STRIP2: variants seen among roughly 807,000 people sequenced by gnomAD.
The protein encoded by STRIP2 is striatin-interacting protein 2.
A neutral mutation model predicts 107.1 loss-of-function variants in STRIP2; 84 were observed. The observed-to-expected ratio is 0.78, with a 90% CI of 0.66 to 0.94. STRIP2 has a LOEUF of 0.94. STRIP2 is among the 40% of genes least tolerant of loss of function. The pLI, the probability that STRIP2 is intolerant of heterozygous loss-of-function variation, is 0.00. For missense variants in STRIP2, 888 were observed against 1,034.2 expected, an observed-to-expected ratio of 0.86 and a Z score of 1.94; for synonymous variants, 394 against 400.4, an observed-to-expected ratio of 0.98 and a Z score of 0.19.
In STRIP2 at chr7:129,483,127, T is replaced by C; in HGVS notation, c.2254+81T>C. The C allele has an allele frequency of 6.6e-7, 1 of 1,513,746 alleles. No individual in the cohort carries two copies. The highest frequency in any genetic ancestry group is 1.3e-5 in the South Asian group (1 of 76,872). The allele number at this position is 1,513,746 out of a possible 1,614,324, so 93.8% of individuals were successfully genotyped here. A position where few individuals can be genotyped will look rare whatever the true frequency, so the allele number is the denominator to read the frequency against. On this transcript the variant is annotated intron_variant, in intron 20 of 20. Transcript: ENST00000249344. This position sits in a 1 kb window ranked among gnomAD's most constrained non-coding sequence, Gnocchi z 5.1. Reference sequence around the variant, plus strand: ...TAAATAAATATTTATCACTCCTCTTTTGGCATGAATTGTTACATATTTTAG... The same window carrying C: ...TAAATAAATATTTATCACTCCTCTTCTGGCATGAATTGTTACATATTTTAG...
At chr7:129,477,142 C>A (rs1227369596) in intron 18 of STRIP2, among the ~76,000 whole-genome samples, 1 of 136,892 alleles carries the variant, frequency 7.3e-6, no homozygotes, top group Admixed American at 7.8e-5. Flanking sequence ...CCAGCTTCCG[C>A]TCGGCATCAG....
intron 16 of STRIP2, among the ~76,000 whole-genome samples, chr7:129,467,031 TC>T (rs762012566): frequency 2.0e-5 from 3 of 152,180 alleles, no homozygotes; most frequent in African/African-American, 4.8e-5. Context: ...GGAAAACGAC[TC>T]CCTCGGGGAG....
At chr7:129,455,221 C>T in intron 7 of STRIP2, 23 bp from the exon 8 acceptor site, 1 of 1,591,832 alleles carries the variant, frequency 6.3e-7, no homozygotes. Flanking sequence ...CACTTTCTCA[C>T]TCCCCTCTCT....
At position 129,458,314 on chromosome 7, in the gene STRIP2, G is replaced by A; in HGVS notation, c.1138G>A (p.Asp380Asn). The stretch of plus-strand genomic sequence containing the variant: ...AGAGGAGGAAGAGGAGTCTGCTGGT[G>A]ATGGAGAACGAACCTTGGATGGAGA... The part of the protein sequence containing the change: ...ATEEEEESAG[D>N]GERTLDGELD... Residue 380 changes from aspartate to asparagine, a missense_variant, in exon 10 of 21, where the codon GAT becomes AAT. Transcript: ENST00000249344. This position sits in a 1 kb window ranked among gnomAD's most constrained non-coding sequence, Gnocchi z 4.6. The A allele has an allele frequency of 6.2e-7, 1 of 1,614,214 alleles. No individual in the cohort carries two copies. Among genetic ancestry groups the A allele is most frequent in the Non-Finnish European group, 8.5e-7 (1 of 1,180,046 alleles).
intron 17 of STRIP2, 147 bp from the exon 18 acceptor site, chr7:129,470,502 A>G: frequency 3.2e-6 from 2 of 623,240 alleles, no homozygotes; most frequent in East Asian, 2.8e-5. Flanking sequence ...GCCTGGCACC[A>G]GAGCCCTCAT....
chr7:129,467,866 T>C (rs1363783623), intron 17 of STRIP2, among the ~76,000 whole-genome samples: 1 of 152,214 alleles, frequency 6.6e-6, no homozygotes, highest in South Asian at 2.1e-4. Flanking sequence ...TAACTGAAGT[T>C]ACATAATCGA....
At chr7:129,459,447 G>C (rs959066394) in intron 11 of STRIP2, 70 bp from the exon 12 acceptor site, 18 of 1,311,190 alleles carry the variant, frequency 1.4e-5, no homozygotes, top group South Asian at 2.4e-5. Flanking sequence ...TTGACTCTAG[G>C]GGGGTATTGG....
In STRIP2 at chr7:129,454,502, C is replaced by A; in HGVS notation, c.681C>A (p.Ala227=). Residue 227 remains alanine (A), a synonymous_variant, in exon 7 of 21, where the codon GCC becomes GCA. Transcript: ENST00000249344. ...CAGACCCCTGTGGGTGGAGAACAGC[C>A]CGGGAGACCTTCCGCACTGAATTAA... The part of the protein sequence containing the change: ...RETDPCGWRT[A]RETFRTELSF... 6.2e-7 allele frequency: 1 copy of A among 1,613,740 alleles called. No homozygotes were observed. The highest frequency in any genetic ancestry group is 8.5e-7 in the Non-Finnish European group (1 of 1,179,664).
chr7:129,436,118 C>A (rs1291455941), intron 1 of STRIP2, among the ~76,000 whole-genome samples: 1 of 152,112 alleles, frequency 6.6e-6, no homozygotes, highest in Non-Finnish European at 1.5e-5. Context: ...AGACATTGTT[C>A]TCGTTCAAAT....
At position 129,480,712 on chromosome 7, in the gene STRIP2, A is replaced by G. The variant is rs751867561; in HGVS notation, c.1945-73A>G. The stretch of plus-strand genomic sequence containing the variant: ...GAAGGCCTCACCTAAACTGACCAAC[A>G]TTGACTTCCAGGCTTCTGTGGGAAT... On this transcript the variant is annotated intron_variant, in intron 18 of 20. Transcript: ENST00000249344. 2.8e-4 allele frequency: 374 copies of G among 1,320,092 alleles called. 1 individual carries two copies. Among genetic ancestry groups the G allele is most frequent in the Non-Finnish European group, 3.1e-4 (290 of 939,392 alleles). 81.8% of individuals were successfully genotyped at this position (1,320,092 alleles called of 1,614,324 possible).
rs562108439 is a variant in STRIP2, at chr7:129,481,629, C to T, written c.2049+740C>T. On this transcript the variant is annotated intron_variant, in intron 19 of 20. Transcript: ENST00000249344. ...TTATGCAATCATTAAAAAGAATGAG[C>T]AGCCGGGCTCAGTGGTGCATGCCTG... Among the ~76,000 whole-genome samples, 6 of 150,688 alleles carry T rather than the reference C, an allele frequency of 4.0e-5. No individual in the cohort carries two copies. In the South Asian group the frequency reaches 1.3e-3, roughly 32 times the overall value.
At chr7:129,467,321 A>C in intron 16 of STRIP2, 29 bp from the exon 17 acceptor site, 1 of 1,515,014 alleles carries the variant, frequency 6.6e-7, no homozygotes, top group Non-Finnish European at 9.2e-7. Context: ...CCAAATAAGC[A>C]GCCCTTTCTG....
At chr7:129,477,357 A>G (rs1798997642) in intron 18 of STRIP2, among the ~76,000 whole-genome samples, 4 of 152,222 alleles carry the variant, frequency 2.6e-5, no homozygotes, top group Admixed American at 2.6e-4. Flanking sequence ...TAAACATACC[A>G]TAAAGTATAT....
chr7:129,434,597 CAG>C lies in STRIP2; in HGVS notation c.128_129del (p.Glu43GlyfsTer11). 1 of 1,504,736 alleles carries C rather than the reference CAG, an allele frequency of 6.6e-7. No individual in the cohort carries two copies. Among genetic ancestry groups the C allele is most frequent in the Non-Finnish European group, 8.8e-7 (1 of 1,132,266 alleles). The allele number at this position is 1,504,736 out of a possible 1,614,324, so 93.2% of individuals were successfully genotyped here. On this transcript the variant is annotated frameshift_variant and splice_region_variant, in exon 1 of 21. Coordinates refer to ENST00000249344, the MANE Select transcript of STRIP2 (RefSeq NM_020704.3). LOFTEE classifies it high-confidence loss of function. ...GCGTTCCGAAGCCAGCGGCGGGAGT[CAG>C]AGGTGAGGAGCCCGGAAAGCTTCGG...
chr7:129,482,377 A>ATTTT (rs869099836), intron 19 of STRIP2, among the ~76,000 whole-genome samples: 161 of 69,014 alleles, frequency 2.3e-3, no homozygotes, highest in African/African-American at 5.9e-3. Flanking sequence ...ATATATATAT[A>ATTTT]TTTTTTTTTT....
At position 129,458,323 on chromosome 7, in the gene STRIP2, C is replaced by T. The variant is rs757796353; in HGVS notation, c.1147C>T (p.Arg383Ter). 6.2e-6 allele frequency: 10 copies of T among 1,614,086 alleles called. No homozygotes were observed. Among genetic ancestry groups the T allele is most frequent in the African/African-American group, 2.7e-5 (2 of 74,928 alleles). Residue 383 changes from arginine (R) to a stop codon, truncating the protein, a stop_gained, in exon 10 of 21, where the codon CGA (arginine) becomes TGA (stop). Coordinates refer to ENST00000249344, the MANE Select transcript of STRIP2 (RefSeq NM_020704.3). LOFTEE classifies it high-confidence loss of function. The surrounding 1 kb of genome is among the most constrained non-coding windows in gnomAD (Gnocchi z 4.6). ...EEEESAGDGE[R>*]TLDGELDLLE... ...AGAGGAGTCTGCTGGTGATGGAGAA[C>T]GAACCTTGGATGGAGAGCTAGACCT... is the stretch of plus-strand genomic sequence containing the variant.
At chr7:129,465,166 A>T (rs1021260058) in intron 16 of STRIP2, among the ~76,000 whole-genome samples, 1 of 152,148 alleles carries the variant, frequency 6.6e-6, no homozygotes, top group Non-Finnish European at 1.5e-5. Flanking sequence ...AGGGCCTTGA[A>T]ACCTTATAAA....
In STRIP2 at chr7:129,434,441, C is replaced by G. The variant is rs539515247; in HGVS notation, c.-32C>G. On this transcript the variant is annotated 5_prime_UTR_variant, in exon 1 of 21. Transcript: ENST00000249344. ...GTAGGGTCGCCTCCGGCAAAGCGAGCTGAACCCTGAGGGGAGCCGCTGACC... is the reference window on the plus strand; with the variant it reads ...GTAGGGTCGCCTCCGGCAAAGCGAGGTGAACCCTGAGGGGAGCCGCTGACC... The G allele has an allele frequency of 2.0e-6, 3 of 1,469,676 alleles. No homozygotes were observed. The East Asian group carries it at 8.4e-5, about 41-fold the overall frequency. 91.0% of individuals were successfully genotyped at this position (1,469,676 alleles called of 1,614,324 possible).
chr7:129,448,966 C>G (rs1284015095), intron 3 of STRIP2, among the ~76,000 whole-genome samples: 1 of 152,192 alleles, frequency 6.6e-6, no homozygotes, highest in Non-Finnish European at 1.5e-5. Flanking sequence ...TCTAAAGTGA[C>G]TAATCCACTC....
Sources: gnomAD v4.1 joint callset for allele counts (sites outside exome capture counted in the v4.1 genomes callset) on GRCh38, gnomAD v4.1.1 for gene constraint, Gnocchi (gnomAD v3.1) non-coding constraint, MANE v1.5 for transcripts, NCBI Gene and HGNC (gene_info 2026-07-23, HGNC 2026-07-21) for gene names.